The following LUZP2 variants were observed in gnomAD, a reference collection of about 807,000 sequenced individuals.
LUZP2 encodes the protein leucine zipper protein 2.
A neutral mutation model predicts 51.6 loss-of-function variants in LUZP2; 52 were observed. The observed-to-expected ratio is 1.01, with a 90% confidence interval of 0.81 to 1.27. The LOEUF is 1.27. LUZP2 is among the 50% of genes most tolerant of loss of function. LUZP2 has a pLI of 0.00. For synonymous variants in LUZP2, 154 were observed against 137.3 expected (o/e 1.12, Z -0.85); for missense variants, 436 against 395.4 (o/e 1.10, Z -0.87).
At chr11:24,812,530 C>T (rs996162110) in intron 5 of LUZP2, among the ~76,000 whole-genome samples, 1 of 152,138 alleles carries the variant, frequency 6.6e-6, no homozygotes, top group African/African-American at 2.4e-5. Context: ...AGCCACTTAA[C>T]CTCTCTTTGC....
chr11:24,783,300 G>A (rs1849144956), intron 5 of LUZP2, among the ~76,000 whole-genome samples: 1 of 151,744 alleles, frequency 6.6e-6, no homozygotes, highest in Admixed American at 6.6e-5. Context: ...TGCCTTTGCT[G>A]ACAGAGTGGA....
At chr11:24,622,349 A>G (rs749081596) in intron 1 of LUZP2, among the ~76,000 whole-genome samples, 2 of 151,152 alleles carry the variant, frequency 1.3e-5, no homozygotes, top group East Asian at 2.0e-4. Context: ...TCATTGTTCA[A>G]TTCCCACCTA....
At chr11:24,724,922 AG>A (rs1858415752) in intron 1 of LUZP2, among the ~76,000 whole-genome samples, 1 of 152,218 alleles carries the variant, frequency 6.6e-6, no homozygotes, top group Non-Finnish European at 1.5e-5. Context: ...AGTAGCAATA[AG>A]TCTAACAAAA....
intron 1 of LUZP2, among the ~76,000 whole-genome samples, chr11:24,690,858 T>C (rs1413877173): frequency 6.6e-6 from 1 of 152,102 alleles, no homozygotes; most frequent in Admixed American, 6.6e-5. Context: ...GGGAGAGAAA[T>C]AATTTTTGAA....
At chr11:24,568,206 A>T (rs1852305868) in intron 1 of LUZP2, among the ~76,000 whole-genome samples, 1 of 152,100 alleles carries the variant, frequency 6.6e-6, no homozygotes, top group Non-Finnish European at 1.5e-5. Flanking sequence ...CTAAAAACAC[A>T]AAAATTAGCT....
At chr11:24,700,341 G>A (rs1412830005) in intron 1 of LUZP2, among the ~76,000 whole-genome samples, 1 of 152,094 alleles carries the variant, frequency 6.6e-6, no homozygotes, top group Non-Finnish European at 1.5e-5. Context: ...TGGGATTACA[G>A]GCATAAGCCA....
intron 1 of LUZP2, among the ~76,000 whole-genome samples, chr11:24,568,139 A>C (rs928156030): frequency 1.3e-5 from 2 of 152,116 alleles, no homozygotes; most frequent in Non-Finnish European, 2.9e-5. Context: ...TTGCAATTGC[A>C]AAAAAGTATT....
At chr11:24,775,211 T>C (rs1848879663) in intron 5 of LUZP2, among the ~76,000 whole-genome samples, 1 of 152,134 alleles carries the variant, frequency 6.6e-6, no homozygotes, top group Non-Finnish European at 1.5e-5. Context: ...TTATGACTAT[T>C]TGCTCACTAC....
intron 8 of LUZP2, among the ~76,000 whole-genome samples, chr11:24,978,107 T>C (rs1376629292): frequency 3.3e-5 from 5 of 151,652 alleles, no homozygotes; most frequent in Admixed American, 6.6e-5. Context: ...GTTTGTACCA[T>C]AGTTATTTTA....
chr11:24,724,864 A>T (rs553236624), intron 1 of LUZP2, among the ~76,000 whole-genome samples: 1 of 152,332 alleles, frequency 6.6e-6, no homozygotes, highest in South Asian at 2.1e-4. Context: ...TTTAAAGATG[A>T]CTAGCAATAT....
intron 9 of LUZP2, among the ~76,000 whole-genome samples, chr11:25,010,543 A>G (rs2133957117): frequency 6.6e-6 from 1 of 151,386 alleles, no homozygotes; most frequent in African/African-American, 2.4e-5. Flanking sequence ...GCAAGAGTCC[A>G]TCTCAGTAAT....
At chr11:24,663,178 G>A (rs1590315033) in intron 1 of LUZP2, among the ~76,000 whole-genome samples, 1 of 152,126 alleles carries the variant, frequency 6.6e-6, no homozygotes, top group African/African-American at 2.4e-5. Context: ...AAAATGTCAT[G>A]TTAAATTGGA....
At chr11:24,900,230 C>G (rs766889149) in intron 5 of LUZP2, among the ~76,000 whole-genome samples, 8 of 152,054 alleles carry the variant, frequency 5.3e-5, no homozygotes, top group Non-Finnish European at 1.2e-4. Flanking sequence ...TGTTTTTAAG[C>G]TTTATAAGGT....
At chr11:24,873,633 A>T (rs972043) in intron 5 of LUZP2, among the ~76,000 whole-genome samples, 61,753 of 151,754 alleles carry the variant, frequency 0.41, 14,534 homozygotes, top group East Asian at 0.65. Context: ...CATGGGTCAG[A>T]GGTGGCCAAG....
intron 1 of LUZP2, among the ~76,000 whole-genome samples, chr11:24,502,072 A>G (rs1394707673): frequency 3.4e-5 from 5 of 145,898 alleles, no homozygotes; most frequent in Admixed American, 3.4e-4. Flanking sequence ...AGAAGGTAAC[A>G]GCCTTCAATT....
At chr11:24,991,613 G>T (rs1033777400) in intron 9 of LUZP2, among the ~76,000 whole-genome samples, 1 of 151,764 alleles carries the variant, frequency 6.6e-6, no homozygotes. Flanking sequence ...TCAAGTGATA[G>T]TTATACTTTT....
At chr11:24,637,196 T>C (rs909639783) in intron 1 of LUZP2, among the ~76,000 whole-genome samples, 1 of 151,772 alleles carries the variant, frequency 6.6e-6, no homozygotes, top group African/African-American at 2.4e-5. Context: ...AACAGAGAGA[T>C]CGGCTGGAGC....
At chr11:24,536,717 G>A (rs1794267334) in intron 1 of LUZP2, among the ~76,000 whole-genome samples, 1 of 151,796 alleles carries the variant, frequency 6.6e-6, no homozygotes, top group African/African-American at 2.4e-5. Context: ...TATCATTTGT[G>A]TATTCACTGG....
intron 5 of LUZP2, chr11:24,892,462 G>T (rs1371006128): frequency 1.1e-6 from 1 of 873,100 alleles, no homozygotes; most frequent in Non-Finnish European, 1.4e-6. Context: ...ATACCATCCA[G>T]AAAAAGTTAA....
Sources: gnomAD v4.1 joint callset for allele counts (sites outside exome capture counted in the v4.1 genomes callset) on GRCh38, gnomAD v4.1.1 for gene constraint, MANE v1.5 for transcripts, NCBI Gene and HGNC (gene_info 2026-07-23, HGNC 2026-07-21) for gene names.